Variants in ATG16L1 observed in about 807,000 individuals in gnomAD.
The protein encoded by ATG16L1 is autophagy related 16 like 1.
ATG16L1 carries 37 observed loss-of-function variants against 88.5 expected under a neutral mutation model. That is an observed-to-expected ratio of 0.42 (90% CI 0.32 to 0.55). The LOEUF (loss-of-function observed/expected upper bound fraction) is 0.55, where lower values mean the gene tolerates loss of function less well. Ranked by LOEUF, ATG16L1 falls within the 20% of genes least tolerant of loss-of-function variation. ATG16L1 has a pLI of 0.13. For missense variants in ATG16L1, 554 were observed against 752.8 expected (o/e 0.74, Z 3.09); for synonymous variants, 301 against 281.0 (o/e 1.07, Z -0.71).
In ATG16L1 at chr2:233,292,373, GTTGT is replaced by G. The variant is rs752959662; in HGVS notation, c.1581-7_1581-4del. Reference sequence around the variant, plus strand: ...TGAGCTCCCTCAGTGACAGTGCCCTGTTGTTTGTTTCAGTGCACCTGGGTTCAAG... The same window carrying G: ...TGAGCTCCCTCAGTGACAGTGCCCTGTTGTTTCAGTGCACCTGGGTTCAAG... On this transcript the variant is annotated splice_polypyrimidine_tract_variant and intron_variant, in intron 15 of 17. Transcript: ENST00000392017. 6.2e-7 allele frequency: 1 copy of G among 1,613,992 alleles called. No individual in the cohort carries two copies. Among genetic ancestry groups the G allele is most frequent in the East Asian group, 2.2e-5 (1 of 44,888 alleles).
At chr2:233,255,165 C>T (rs1053055937) in intron 1 of ATG16L1, among the ~76,000 whole-genome samples, 1 of 151,934 alleles carries the variant, frequency 6.6e-6, no homozygotes, top group African/African-American at 2.4e-5. Context: ...GTAGTTTCGC[C>T]GTGTTGGCCA....
At chr2:233,261,937 C>T (rs914558065) in intron 2 of ATG16L1, among the ~76,000 whole-genome samples, 2 of 152,222 alleles carry the variant, frequency 1.3e-5, no homozygotes, top group Admixed American at 6.5e-5. Context: ...ACAGTGTCTA[C>T]ATGTTAGCCT....
At chr2:233,275,363 C>G (rs1229767691) in intron 9 of ATG16L1, 1 of 237,630 alleles carries the variant, frequency 4.2e-6, no homozygotes, top group Non-Finnish European at 8.4e-6. Flanking sequence ...CATTCAGTAC[C>G]TGGCTCAGAA....
chr2:233,274,218 C>T (rs1381578509), intron 8 of ATG16L1: 1 of 632,928 alleles, frequency 1.6e-6, no homozygotes, highest in South Asian at 2.0e-5. Context: ...ACACTTTGTA[C>T]AGTACTCATG....
At chr2:233,267,884 C>A (rs1164529323) in intron 5 of ATG16L1, among the ~76,000 whole-genome samples, 2 of 152,188 alleles carry the variant, frequency 1.3e-5, no homozygotes, top group Non-Finnish European at 2.9e-5. Context: ...GAAGCATCTT[C>A]CTAGGGCTGT....
At chr2:233,294,223 G>C (rs773454126) in intron 17 of ATG16L1, 34 bp from the exon 18 acceptor site, 6 of 1,519,250 alleles carry the variant, frequency 3.9e-6, no homozygotes, top group Non-Finnish European at 5.4e-6. Flanking sequence ...CAAATGTTCT[G>C]AAACTTGGTG....
At position 233,272,624 on chromosome 2, in the gene ATG16L1, G is replaced by A. The variant is rs147159962; in HGVS notation, c.708-342G>A. Among the ~76,000 whole-genome samples the A allele has an allele frequency of 2.6e-5, 4 of 152,284 alleles. No homozygotes were observed. In the East Asian group the frequency reaches 7.7e-4, roughly 29 times the overall value. On this transcript the variant is annotated intron_variant, in intron 6 of 17. Transcript: ENST00000392017. The stretch of plus-strand genomic sequence containing the variant: ...CCCTTCAACAGTGATGCTGACTGTT[G>A]ATGGAATGCCCTACTTTGGCACTGG...
intron 5 of ATG16L1, among the ~76,000 whole-genome samples, chr2:233,266,526 A>C (rs1553604906): frequency 6.6e-6 from 1 of 152,224 alleles, no homozygotes; most frequent in Non-Finnish European, 1.5e-5. Flanking sequence ...AGTAGTTTCG[A>C]GTTTGAAGAG....
chr2:233,264,625 G>A (rs1697444514), intron 4 of ATG16L1, among the ~76,000 whole-genome samples: 1 of 152,030 alleles, frequency 6.6e-6, no homozygotes, highest in Non-Finnish European at 1.5e-5. Context: ...AAATATATAC[G>A]GTTTCCAGCC....
intron 3 of ATG16L1, among the ~76,000 whole-genome samples, chr2:233,263,787 C>G (rs991574931): frequency 9.2e-5 from 14 of 152,196 alleles, no homozygotes; most frequent in Admixed American, 9.2e-4. Context: ...TGGCAGTCAC[C>G]TGGAACACTT....
chr2:233,289,937 C>T lies in ATG16L1; in HGVS notation c.1287C>T (p.Asp429=), dbSNP rs754443407. The T allele has an allele frequency of 6.2e-7, 1 of 1,614,198 alleles. No individual in the cohort carries two copies. Among genetic ancestry groups the T allele is most frequent in the South Asian group, 1.1e-5 (1 of 91,084 alleles). ...CGCGGATTGTCTCAGGAAGTCACGA[C>T]CGGACTCTCAAACTCTGGGATCTAC... ...DNARIVSGSH[D]RTLKLWDLRS... The change falls in exon 13 of 18, where the codon GAC becomes GAT. Residue 429 remains aspartate (D), a synonymous_variant. Transcript: ENST00000392017.
At chr2:233,281,947 GTGTC>G (rs1223865396) in intron 11 of ATG16L1, among the ~76,000 whole-genome samples, 1 of 152,190 alleles carries the variant, frequency 6.6e-6, no homozygotes, top group African/African-American at 2.4e-5. Context: ...CTGAGGACAA[GTGTC>G]TGGGCGTTAA....
At chr2:233,283,697 T>C (rs1194337713) in intron 12 of ATG16L1, among the ~76,000 whole-genome samples, 3 of 149,210 alleles carry the variant, frequency 2.0e-5, no homozygotes, top group East Asian at 4.0e-4. Flanking sequence ...ATTACAGGCA[T>C]GGCTAATTTT....
intron 1 of ATG16L1, among the ~76,000 whole-genome samples, chr2:233,254,335 AAG>A (rs1224254757): frequency 6.6e-6 from 1 of 152,206 alleles, no homozygotes; most frequent in Non-Finnish European, 1.5e-5. Flanking sequence ...TTTGCATGTT[AAG>A]ATCTTCTGTT....
rs1336447247 is a variant in ATG16L1, at chr2:233,294,365, C to T, written c.*15C>T. The T allele has an allele frequency of 3.7e-5, 59 of 1,607,062 alleles. No individual in the cohort carries two copies. The highest frequency in any genetic ancestry group is 4.9e-5 in the Non-Finnish European group (57 of 1,174,786). ...CACAGTACTGACGGGGCTCTCAGGGCTGGGAGGACCCCAGTGCCCTCCTCA... is the reference window on the plus strand; with the variant it reads ...CACAGTACTGACGGGGCTCTCAGGGTTGGGAGGACCCCAGTGCCCTCCTCA... On this transcript the variant is annotated 3_prime_UTR_variant, in exon 18 of 18. Coordinates refer to ENST00000392017, the MANE Select transcript of ATG16L1 (RefSeq NM_030803.7).
intron 2 of ATG16L1, 49 bp downstream of exon 2, chr2:233,256,244 A>G (rs762111342): frequency 6.8e-7 from 1 of 1,478,074 alleles, no homozygotes; most frequent in Admixed American, 1.8e-5. Flanking sequence ...AAGGAAATTT[A>G]TCTCAGTTCA....
At chr2:233,292,526 T>G in intron 16 of ATG16L1, 92 bp downstream of exon 16, 1 of 1,503,266 alleles carries the variant, frequency 6.7e-7, no homozygotes, top group Non-Finnish European at 9.2e-7. Flanking sequence ...TAAATTTTGT[T>G]CAGTGCCCAA....
intron 4 of ATG16L1, 170 bp downstream of exon 4, chr2:233,264,235 A>G: frequency 1.6e-6 from 1 of 609,558 alleles, no homozygotes; most frequent in Non-Finnish European, 2.8e-6. Context: ...AGCTCTGAGA[A>G]GGAAAAAGCA....
chr2:233,275,883 G>A (rs1698325292), intron 9 of ATG16L1: 1 of 519,110 alleles, frequency 1.9e-6, no homozygotes, highest in South Asian at 1.4e-5. Context: ...GTCAGTGTGT[G>A]TTTCTGAGAG....
Sources: allele counts gnomAD v4.1 joint callset (sites outside exome capture counted in the v4.1 genomes callset), GRCh38; gene constraint gnomAD v4.1.1; transcripts MANE v1.5; gene names NCBI Gene and HGNC (gene_info 2026-07-23, HGNC 2026-07-21).